Variants in CPEB3 observed in about 807,000 individuals in gnomAD.
CPEB3 encodes the protein cytoplasmic polyadenylation element binding protein 3, also known as cytoplasmic polyadenylation element-binding protein 3.
In CPEB3, 20 loss-of-function variants were observed where a neutral mutation model predicts 67.2. The observed-to-expected ratio is 0.30, with a 90% CI of 0.21 to 0.43. The LOEUF (loss-of-function observed/expected upper bound fraction) is 0.43. Ranked by LOEUF, CPEB3 falls within the 20% of genes least tolerant of loss-of-function variation. The pLI, the probability that CPEB3 is intolerant of heterozygous loss-of-function variation, is 1.00. For synonymous variants in CPEB3, 376 were observed against 393.1 expected, an observed-to-expected ratio of 0.96 and a Z score of 0.51; for missense variants, 746 against 968.6, an observed-to-expected ratio of 0.77 and a Z score of 3.05.
chr10:92,267,094 A>G (rs891715332), intron 1 of CPEB3, among the ~76,000 whole-genome samples: 2 of 152,100 alleles, frequency 1.3e-5, no homozygotes, highest in Non-Finnish European at 2.9e-5. Flanking sequence ...GAATTAAAAG[A>G]AGGAGCCATC....
intron 1 of CPEB3, among the ~76,000 whole-genome samples, chr10:92,258,718 A>AC (rs1426450609): frequency 1.3e-4 from 17 of 129,126 alleles, no homozygotes; most frequent in Non-Finnish European, 2.0e-4. Flanking sequence ...AAAAATGTTC[A>AC]CTAGATCAGA....
intron 6 of CPEB3, among the ~76,000 whole-genome samples, chr10:92,128,832 T>C (rs986135053): frequency 1.1e-4 from 16 of 151,824 alleles, no homozygotes; most frequent in Admixed American, 2.6e-4. Flanking sequence ...TACTAAAAAG[T>C]CAAAAAATAA....
chr10:92,289,718 C>CAAAAAAAAAAAAAAAAAAAAAAAAA (rs749285662), intron 1 of CPEB3, among the ~76,000 whole-genome samples: 1 of 30,984 alleles, frequency 3.2e-5, no homozygotes, highest in Non-Finnish European at 4.7e-5. Flanking sequence ...GCGTCTCTAC[C>CAAAAAAAAAAAAAAAAAAAAAAAAA]AAAAAAAAAA....
chr10:92,249,377 C>CA (rs59237572), intron 1 of CPEB3, among the ~76,000 whole-genome samples: 11,479 of 120,564 alleles, frequency 0.095, 586 homozygotes, highest in East Asian at 0.22. Context: ...GACTCCGTCT[C>CA]AAAAAAAAAA....
At chr10:92,116,185 A>C (rs1265961650) in intron 6 of CPEB3, among the ~76,000 whole-genome samples, 1 of 151,470 alleles carries the variant, frequency 6.6e-6, no homozygotes, top group Non-Finnish European at 1.5e-5. Context: ...ATATTCAATA[A>C]GGAAAATGCC....
intron 7 of CPEB3, among the ~76,000 whole-genome samples, chr10:92,105,252 A>G (rs1844389091): frequency 6.6e-6 from 1 of 152,260 alleles, no homozygotes; most frequent in Admixed American, 6.5e-5. Flanking sequence ...GTTAAGAGGT[A>G]CTAAGCAAAG....
At chr10:92,256,413 C>G (rs963135714) in intron 1 of CPEB3, among the ~76,000 whole-genome samples, 13 of 142,038 alleles carry the variant, frequency 9.2e-5, no homozygotes, top group African/African-American at 3.4e-4. Context: ...TTTTTTGAAA[C>G]AGAGTCTCAC....
chr10:92,169,737 C>T (rs544835112), intron 4 of CPEB3, among the ~76,000 whole-genome samples: 2 of 152,354 alleles, frequency 1.3e-5, no homozygotes, highest in East Asian at 1.9e-4. Context: ...CAGACCCCAG[C>T]CTAATCCCAC....
At chr10:92,240,442 T>C (rs1851793178) in intron 1 of CPEB3, 81 bp from the exon 2 acceptor site, 2 of 1,335,978 alleles carry the variant, frequency 1.5e-6, no homozygotes, top group African/African-American at 1.5e-5. Context: ...GTGTTTCACT[T>C]GCGAAAATCC....
chr10:92,186,225 CA>C (rs374713049), intron 3 of CPEB3, among the ~76,000 whole-genome samples: 1,774 of 113,752 alleles, frequency 0.016, 38 homozygotes, highest in African/African-American at 0.054. Flanking sequence ...AAAAAAAATA[CA>C]AAAAAAAAAA....
chr10:92,218,919 G>C (rs1210690755), intron 2 of CPEB3, among the ~76,000 whole-genome samples: 2 of 151,900 alleles, frequency 1.3e-5, no homozygotes, highest in Non-Finnish European at 2.9e-5. Flanking sequence ...AGGCTCAGGT[G>C]AACATAGACC....
chr10:92,288,280 C>G (rs1842631192), intron 1 of CPEB3, among the ~76,000 whole-genome samples: 1 of 151,884 alleles, frequency 6.6e-6, no homozygotes, highest in Non-Finnish European at 1.5e-5. Flanking sequence ...GGCAACATGG[C>G]AAAACACCAT....
At chr10:92,101,905 C>T (rs1687035524) in intron 7 of CPEB3, among the ~76,000 whole-genome samples, 1 of 152,112 alleles carries the variant, frequency 6.6e-6, no homozygotes, top group South Asian at 2.1e-4. Flanking sequence ...GAGACTCTGT[C>T]TCAATAAATA....
At chr10:92,282,147 T>C (rs937362736) in intron 1 of CPEB3, among the ~76,000 whole-genome samples, 5 of 152,114 alleles carry the variant, frequency 3.3e-5, no homozygotes, top group African/African-American at 1.2e-4. Flanking sequence ...CAGGGATACA[T>C]AAGCCAAAGA....
chr10:92,250,858 A>ATTTTTTT (rs1211646953), intron 1 of CPEB3, among the ~76,000 whole-genome samples: 68 of 104,118 alleles, frequency 6.5e-4, no homozygotes, highest in South Asian at 1.2e-3. Flanking sequence ...CACACAGTTA[A>ATTTTTTT]TTTTTTTTTT....
At chr10:92,204,301 T>C (rs1159450645) in intron 2 of CPEB3, 1 of 152,220 alleles carries the variant, frequency 6.6e-6, no homozygotes, top group East Asian at 1.9e-4. Flanking sequence ...CCCCCTGTTA[T>C]CCCCTTGATC....
chr10:92,264,066 C>T (rs1050941529), intron 1 of CPEB3, among the ~76,000 whole-genome samples: 8 of 152,056 alleles, frequency 5.3e-5, no homozygotes, highest in African/African-American at 1.9e-4. Context: ...CAGTGACTCA[C>T]GCCTATAATC....
At chr10:92,136,399 A>G (rs541726868) in intron 6 of CPEB3, among the ~76,000 whole-genome samples, 7 of 152,312 alleles carry the variant, frequency 4.6e-5, no homozygotes, top group African/African-American at 1.7e-4. Flanking sequence ...AAGTGAAGAG[A>G]CAACCCACAG....
At chr10:92,095,640 A>G (rs1211938261) in intron 7 of CPEB3, among the ~76,000 whole-genome samples, 2 of 146,138 alleles carry the variant, frequency 1.4e-5, no homozygotes, top group East Asian at 2.0e-4. Flanking sequence ...TTGCGTATAT[A>G]TATAATATAT....
Sources: allele counts gnomAD v4.1 joint callset (sites outside exome capture counted in the v4.1 genomes callset), GRCh38; gene constraint gnomAD v4.1.1; transcripts MANE v1.5; gene names NCBI Gene and HGNC (gene_info 2026-07-23, HGNC 2026-07-21).